The following MYH15 variants were observed in gnomAD, a reference collection of about 807,000 sequenced individuals.
MYH15 encodes the protein myosin heavy chain 15, also known as myosin-15.
MYH15 carries 227 observed loss-of-function variants against 240.5 expected under a neutral mutation model. That is an observed-to-expected ratio of 0.94 (90% CI 0.85 to 1.05). The LOEUF is 1.05. Among genes scored for constraint, MYH15 ranks in the 50% least tolerant of loss-of-function variants. The probability of loss-of-function intolerance (pLI) is 0.00; values close to 1 mark genes in which losing one functional copy is unlikely to be tolerated. For synonymous variants in MYH15, 785 were observed against 796.7 expected (o/e 0.99, Z 0.25); for missense variants, 2,217 against 2,247.5 (o/e 0.99, Z 0.27).
At position 108,481,927 on chromosome 3, in the gene MYH15, G is replaced by A. The variant is rs373265148; in HGVS notation, c.1114+3164C>T. 5.9e-5 allele frequency among the ~76,000 whole-genome samples: 9 copies of A among 152,252 alleles called. No individual in the cohort carries two copies. In the South Asian group the frequency reaches 1.7e-3, roughly 28 times the overall value. ...GTTTAGAGCAGAAGCAGGACATGGT[G>A]GAACAAGGGCTGACTGACACTGTGA... On this transcript the variant is annotated intron_variant, in intron 11 of 40. Transcript: ENST00000693548.
rs1294092209 is a variant in MYH15, at chr3:108,501,712, A to G, written c.339T>C (p.Tyr113=). Reference sequence around the variant, plus strand: ...TTTAGCAGGAAAGCATATTACACACATAGATCATCCACTGGCCATAGCGCC... The same window carrying G: ...TTTAGCAGGAAAGCATATTACACACGTAGATCATCCACTGGCCATAGCGCC... ...LKRRYGQWMI[Y]TYSGLFCVTI... is the part of the protein sequence containing the mutation. Residue 113 remains tyrosine, a splice_region_variant and synonymous_variant, in exon 3 of 41, where the codon TAT becomes TAC. Transcript: ENST00000693548. 3.1e-6 allele frequency: 5 copies of G among 1,613,916 alleles called. No homozygotes were observed. The African/African-American group carries it at 5.3e-5, about 17-fold the overall frequency.
At chr3:108,496,921 G>A (rs1326434749) in intron 6 of MYH15, among the ~76,000 whole-genome samples, 3 of 151,722 alleles carry the variant, frequency 2.0e-5, no homozygotes, top group Non-Finnish European at 4.4e-5. Flanking sequence ...CCAGCACTTT[G>A]GAGGCCTACG....
chr3:108,437,690 C>T lies in MYH15; in HGVS notation c.3085G>A (p.Ala1029Thr), dbSNP rs1207486197. 1.2e-6 allele frequency: 2 copies of T among 1,611,020 alleles called. No homozygotes were observed. The highest frequency in any genetic ancestry group is 2.2e-5 in the South Asian group (2 of 90,286). Residue 1029 changes from alanine (A) to threonine (T), a missense_variant, in exon 25 of 41, where the codon GCC becomes ACC. Coordinates refer to ENST00000693548, the MANE Select transcript of MYH15 (RefSeq NM_014981.3). ...LEQQVDELEG[A>T]LEQERKARMN... ...CTCGCTTTTCTCTCCTGCTCAAGGG[C>T]ACCCTCAAGCTGACAAAAGGAAACA... is the stretch of plus-strand genomic sequence containing the variant.
In MYH15 at chr3:108,441,359, C is replaced by T. The variant is rs187542129; in HGVS notation, c.2656-99G>A. 257 of 1,382,054 alleles carry T rather than the reference C, an allele frequency of 1.9e-4. 1 individual carries two copies. The East Asian group carries it at 4.0e-3, about 21-fold the overall frequency. The allele number at this position is 1,382,054 out of a possible 1,614,324, so 85.6% of individuals were successfully genotyped here. A position where few individuals can be genotyped will look rare whatever the true frequency, so the allele number is the denominator to read the frequency against. On this transcript the variant is annotated intron_variant, in intron 22 of 40. Coordinates refer to ENST00000693548, the MANE Select transcript of MYH15 (RefSeq NM_014981.3). ...ACACAGCAAAGAGATAATTGCCTGC[C>T]CTCTGCCCAGCACTTTCACCTACCT...
intron 9 of MYH15, among the ~76,000 whole-genome samples, chr3:108,489,140 T>C (rs2083327915): frequency 6.6e-6 from 1 of 152,242 alleles, no homozygotes; most frequent in African/African-American, 2.4e-5. Flanking sequence ...TTGAGTTCTT[T>C]ATATATTTTA....
intron 26 of MYH15, 73 bp from the exon 27 acceptor site, chr3:108,428,954 C>A (rs962268925): frequency 4.9e-6 from 7 of 1,421,780 alleles, no homozygotes; most frequent in Non-Finnish European, 6.6e-6. Context: ...TTTTTAATCA[C>A]AAAGCTAACA....
At chr3:108,460,505 TA>T (rs1016208914) in intron 16 of MYH15, 138 bp from the exon 17 acceptor site, 1 of 540,874 alleles carries the variant, frequency 1.8e-6, no homozygotes, top group African/African-American at 1.9e-5. Flanking sequence ...AGCTTCAAAA[TA>T]TTTATGTCTT....
chr3:108,436,062 T>C (rs2082832383), intron 25 of MYH15, among the ~76,000 whole-genome samples: 1 of 152,178 alleles, frequency 6.6e-6, no homozygotes, highest in Non-Finnish European at 1.5e-5. Context: ...AGCTAATAAT[T>C]CCAATACCAT....
intron 31 of MYH15, 104 bp from the exon 32 acceptor site, chr3:108,408,508 A>C: frequency 3.7e-5 from 43 of 1,167,794 alleles, no homozygotes; most frequent in Non-Finnish European, 4.8e-5. Flanking sequence ...CAGTGACCTC[A>C]TGCCACCCTT....
At chr3:108,455,617 G>A in intron 20 of MYH15, 119 bp downstream of exon 20, 3 of 1,144,730 alleles carry the variant, frequency 2.6e-6, no homozygotes, top group South Asian at 1.7e-5. Context: ...ATCTGTTTGT[G>A]ATATTTATGG....
At chr3:108,427,744 C>T (rs1335065267) in intron 27 of MYH15, among the ~76,000 whole-genome samples, 1 of 152,114 alleles carries the variant, frequency 6.6e-6, no homozygotes, top group East Asian at 1.9e-4. Context: ...CTCCATATCA[C>T]TGAAGATATT....
intron 1 of MYH15, among the ~76,000 whole-genome samples, chr3:108,508,772 T>G (rs2083499068): frequency 6.6e-6 from 1 of 152,210 alleles, no homozygotes; most frequent in African/African-American, 2.4e-5. Context: ...CGCTTACATG[T>G]TCTAATATAA....
intron 9 of MYH15, among the ~76,000 whole-genome samples, chr3:108,492,046 G>A (rs1277118707): frequency 6.6e-6 from 1 of 151,984 alleles, no homozygotes; most frequent in Admixed American, 6.6e-5. Context: ...CTTGAGACCA[G>A]CCTGGCCAAC....
chr3:108,383,748 A>T lies in MYH15; in HGVS notation c.5632-19T>A, dbSNP rs373566058. The stretch of plus-strand genomic sequence containing the variant: ...GTGTTTCCTATAAAAATAAAAAAAA[A>T]AAAAAAGAAATCTCCATGCCTATAT... On this transcript the variant is annotated intron_variant, in intron 39 of 40. Transcript: ENST00000693548. 102 of 1,536,258 alleles carry T rather than the reference A, an allele frequency of 6.6e-5. 1 individual carries two copies. In the Middle Eastern group the frequency reaches 1.1e-3, roughly 17 times the overall value.
At chr3:108,504,637 T>C (rs1035511148) in intron 2 of MYH15, among the ~76,000 whole-genome samples, 1 of 152,196 alleles carries the variant, frequency 6.6e-6, no homozygotes, top group Non-Finnish European at 1.5e-5. Context: ...AAGTGAATAT[T>C]GGCAGGGAAT....
chr3:108,485,249 T>A lies in MYH15; in HGVS notation c.976-20A>T. The A allele has an allele frequency of 6.2e-7, 1 of 1,613,252 alleles. No homozygotes were observed. The highest frequency in any genetic ancestry group is 8.5e-7 in the Non-Finnish European group (1 of 1,179,586). ...GGCTTGCTGTAAAAAGAGAAACAGA[T>A]GGCCCTGTCTTCATTTGCTTAATGG... is the stretch of plus-strand genomic sequence containing the variant. On this transcript the variant is annotated intron_variant, in intron 10 of 40. Transcript: ENST00000693548.
At chr3:108,499,037 T>A (rs1478396217) in intron 5 of MYH15, among the ~76,000 whole-genome samples, 3 of 152,238 alleles carry the variant, frequency 2.0e-5, no homozygotes, top group African/African-American at 7.2e-5. Context: ...CACTGCTTCA[T>A]GTACTTTGAC....
the MYH15 span, among the ~76,000 whole-genome samples, chr3:108,548,111 G>C: frequency 4.6e-5 from 7 of 152,106 alleles, no homozygotes; most frequent in Non-Finnish European, 1.0e-4. Flanking sequence ...AGGACAGATG[G>C]ACCTATATAG....
At chr3:108,517,334 GATTA>G (rs2083581548) in intron 1 of MYH15, among the ~76,000 whole-genome samples, 2 of 151,684 alleles carry the variant, frequency 1.3e-5, no homozygotes, top group African/African-American at 2.4e-5. Flanking sequence ...AAGAACTTCT[GATTA>G]ATTTTTTTTT....
Sources: gnomAD v4.1 joint callset for allele counts (sites outside exome capture counted in the v4.1 genomes callset) on GRCh38, gnomAD v4.1.1 for gene constraint, MANE v1.5 for transcripts, NCBI Gene and HGNC (gene_info 2026-07-23, HGNC 2026-07-21) for gene names.